The following SKP1 variants were observed in gnomAD, a reference collection of about 807,000 sequenced individuals.
The protein encoded by SKP1 is S-phase kinase associated protein 1.
Under a neutral mutation model 21.5 loss-of-function variants are expected in SKP1, and 1 was observed. The observed-to-expected ratio is 0.05, with a 90% CI of 0.02 to 0.22. The LOEUF is 0.22. Ranked by LOEUF, SKP1 falls within the 10% of genes least tolerant of loss-of-function variation. The probability of loss-of-function intolerance (pLI) is 1.00; values close to 1 mark genes in which losing one functional copy is unlikely to be tolerated. For missense variants in SKP1, 70 were observed against 192.0 expected (o/e 0.36, Z 3.76); for synonymous variants, 59 against 59.3 (o/e 0.99, Z 0.03).
In SKP1 at chr5:134,173,907, G is replaced by A. The variant is rs370244513; in HGVS notation, c.97+19C>T. On this transcript the variant is annotated intron_variant, in intron 2 of 5. Coordinates refer to ENST00000353411, the MANE Select transcript of SKP1 (RefSeq NM_170679.3). ...CAAATTACACATTTCCTCCCACCCA[G>A]GTTTTCCAATGAACTTACCTTCCAA... 3 of 1,369,284 alleles carry A rather than the reference G, an allele frequency of 2.2e-6. No homozygotes were observed. The highest frequency in any genetic ancestry group is 3.1e-6 in the Non-Finnish European group (3 of 956,782). The allele number at this position is 1,369,284 out of a possible 1,614,324, so 84.8% of individuals were successfully genotyped here.
Position 134,151,259 on chromosome 5 carries a change from G to C in SKP1, c.*6474C>G, listed in dbSNP as rs1420561606. 1 of 152,698 alleles carries C rather than the reference G, an allele frequency of 6.5e-6. No homozygotes were observed. The highest frequency in any genetic ancestry group is 1.5e-5 in the Non-Finnish European group (1 of 68,436). The allele number at this position is 152,698 out of a possible 1,614,324, so 9.5% of individuals were successfully genotyped here. A position where few individuals can be genotyped will look rare whatever the true frequency, so the allele number is the denominator to read the frequency against. On this transcript the variant is annotated 3_prime_UTR_variant, in exon 6 of 6. Coordinates refer to ENST00000353411, the MANE Select transcript of SKP1 (RefSeq NM_170679.3). ...GGCATGTGCAATGTCAGGAAGCGGG[G>C]TGGGGCTTGGGGAGGGAAGAGGAAA...
rs1761006148 is a variant in SKP1 at position 134,149,465 on chromosome 5, C to CCA, written c.*8266_*8267dup. 1 of 152,224 alleles carries CCA rather than the reference C, an allele frequency of 6.6e-6. No individual in the cohort carries two copies. The highest frequency in any genetic ancestry group is 6.5e-5 in the Admixed American group (1 of 15,284). The allele number at this position is 152,224 out of a possible 1,614,324, so 9.4% of individuals were successfully genotyped here. A position where few individuals can be genotyped will look rare whatever the true frequency, so the allele number is the denominator to read the frequency against. ...GCAAGAAGTATTTCACATGGGACAG[C>CCA]CACTGGGCCACCATCATGCATTGTC... On this transcript the variant is annotated 3_prime_UTR_variant, in exon 6 of 6. Transcript: ENST00000353411.
rs993036045 is a variant in SKP1 at position 134,167,043 on chromosome 5, A to G, written c.171+127T>C. On this transcript the variant is annotated intron_variant, in intron 3 of 5. Coordinates refer to ENST00000353411, the MANE Select transcript of SKP1 (RefSeq NM_170679.3). Reference sequence around the variant, plus strand: ...ATCACTCAAGTAAGTGTTTAAGAACATTCAAATTTAAATGTAATTTTAAGC... The same window carrying G: ...ATCACTCAAGTAAGTGTTTAAGAACGTTCAAATTTAAATGTAATTTTAAGC... 4 of 617,634 alleles carry G rather than the reference A, an allele frequency of 6.5e-6. No individual in the cohort carries two copies. The African/African-American group carries it at 7.4e-5, about 11-fold the overall frequency. The allele number at this position is 617,634 out of a possible 1,614,324, so 38.3% of individuals were successfully genotyped here.
chr5:134,170,720 T>C (rs377062155), intron 2 of SKP1, among the ~76,000 whole-genome samples: 20 of 152,226 alleles, frequency 1.3e-4, no homozygotes, highest in East Asian at 3.8e-4. Flanking sequence ...AATAACTTAA[T>C]TGTTGCTAAC....
intron 4 of SKP1, among the ~76,000 whole-genome samples, chr5:134,159,480 A>G (rs537653617): frequency 1.3e-5 from 2 of 152,082 alleles, no homozygotes; most frequent in African/African-American, 4.8e-5. Flanking sequence ...TCCTAGGTTC[A>G]GCCAATTCTC....
chr5:134,169,662 C>T (rs1761401657), intron 2 of SKP1, among the ~76,000 whole-genome samples: 1 of 151,866 alleles, frequency 6.6e-6, no homozygotes, highest in Non-Finnish European at 1.5e-5. Context: ...GTCAGGAGTT[C>T]AAGACCAGCC....
At position 134,152,233 on chromosome 5, in the gene SKP1, A is replaced by G. The variant is rs1761054900; in HGVS notation, c.*5500T>C. 1 of 150,654 alleles carries G rather than the reference A, an allele frequency of 6.6e-6. No individual in the cohort carries two copies. Among genetic ancestry groups the G allele is most frequent in the Non-Finnish European group, 1.5e-5 (1 of 67,952 alleles). 9.3% of individuals were successfully genotyped at this position (150,654 alleles called of 1,614,324 possible). ...AAAAAATTAGAATTTAGCTCACTCA[A>G]AAATTGCCCTGCCTAATGTGGGTCT... On this transcript the variant is annotated 3_prime_UTR_variant, in exon 6 of 6. Coordinates refer to ENST00000353411, the MANE Select transcript of SKP1 (RefSeq NM_170679.3).
Position 134,152,379 on chromosome 5 carries a change from T to C in SKP1, c.*5354A>G, listed in dbSNP as rs1424368643. 1 of 152,228 alleles carries C rather than the reference T, an allele frequency of 6.6e-6. No homozygotes were observed. The highest frequency in any genetic ancestry group is 1.5e-5 in the Non-Finnish European group (1 of 68,060). 9.4% of individuals were successfully genotyped at this position (152,228 alleles called of 1,614,324 possible). A position where few individuals can be genotyped will look rare whatever the true frequency, so the allele number is the denominator to read the frequency against. On this transcript the variant is annotated 3_prime_UTR_variant, in exon 6 of 6. Transcript: ENST00000353411. Reference sequence around the variant, plus strand: ...GTACCAACACCCAACCTTCTGCTGTTAGTTCCTGACTGTGCACTGCTTTTT... The same window carrying C: ...GTACCAACACCCAACCTTCTGCTGTCAGTTCCTGACTGTGCACTGCTTTTT...
intron 1 of SKP1, chr5:134,174,957 T>C (rs1761511880): frequency 6.6e-6 from 1 of 152,208 alleles, no homozygotes; most frequent in Admixed American, 6.5e-5. Flanking sequence ...TCAAGGCCTC[T>C]TAAAACTCAC....
At chr5:134,174,548 A>C in intron 1 of SKP1, 1 of 801,640 alleles carries the variant, frequency 1.2e-6, no homozygotes, top group Non-Finnish European at 1.5e-6. Flanking sequence ...CAAGAGAATA[A>C]AATGATTTAA....
chr5:134,151,780 G>C lies in SKP1; in HGVS notation c.*5953C>G, dbSNP rs1450147602. 5.9e-5 allele frequency: 26 copies of C among 437,872 alleles called. No individual in the cohort carries two copies. In the East Asian group the frequency reaches 1.3e-3, roughly 23 times the overall value. 27.1% of individuals were successfully genotyped at this position (437,872 alleles called of 1,614,324 possible). The stretch of plus-strand genomic sequence containing the variant: ...AATACTGGCACACAGACCAGAGGTA[G>C]CCAGCAGTACACAAGACTGCAAGGC... On this transcript the variant is annotated 3_prime_UTR_variant, in exon 6 of 6. Coordinates refer to ENST00000353411, the MANE Select transcript of SKP1 (RefSeq NM_170679.3).
rs1761095118 is a variant in SKP1 at position 134,154,575 on chromosome 5, T to G, written c.*3158A>C. 1 of 151,606 alleles carries G rather than the reference T, an allele frequency of 6.6e-6. No individual in the cohort carries two copies. Among genetic ancestry groups the G allele is most frequent in the South Asian group, 2.1e-4 (1 of 4,816 alleles). The allele number at this position is 151,606 out of a possible 1,614,324, so 9.4% of individuals were successfully genotyped here. A position where few individuals can be genotyped will look rare whatever the true frequency, so the allele number is the denominator to read the frequency against. On this transcript the variant is annotated 3_prime_UTR_variant, in exon 6 of 6. Transcript: ENST00000353411. ...TTTTGGTTTACTTTTAGATCACAAG[T>G]GACATAATCAATGAAAAGGTGAGAA...
chr5:134,169,206 G>C (rs1259315851), intron 2 of SKP1, among the ~76,000 whole-genome samples: 1 of 152,200 alleles, frequency 6.6e-6, no homozygotes, highest in African/African-American at 2.4e-5. Flanking sequence ...GGTTCACTGA[G>C]CTTTATAAGC....
At chr5:134,168,086 A>G (rs1761368169) in intron 2 of SKP1, among the ~76,000 whole-genome samples, 1 of 152,246 alleles carries the variant, frequency 6.6e-6, no homozygotes, top group African/African-American at 2.4e-5. Context: ...TGACCACCCA[A>G]AACTATATAA....
At chr5:134,173,790 T>C (rs757103010) in intron 2 of SKP1, 136 bp downstream of exon 2, 1 of 712,846 alleles carries the variant, frequency 1.4e-6, no homozygotes. Flanking sequence ...ATGTAAGTTA[T>C]AAAGAAAAAA....
intron 2 of SKP1, 69 bp from the exon 3 acceptor site, chr5:134,167,312 C>T (rs1453891869): frequency 1.4e-5 from 14 of 996,746 alleles, no homozygotes; most frequent in Non-Finnish European, 2.1e-5. Flanking sequence ...CAGGCTATGT[C>T]TCAAAACATA....
At chr5:134,161,833 A>G (rs1761226255) in intron 3 of SKP1, 1 of 152,258 alleles carries the variant, frequency 6.6e-6, no homozygotes, top group Non-Finnish European at 1.5e-5. Context: ...TAATTACTCC[A>G]TAAAGTTTCA....
chr5:134,158,428 T>A (rs565558621), intron 5 of SKP1, 27 bp downstream of exon 5: 2 of 1,614,010 alleles, frequency 1.2e-6, no homozygotes, highest in African/African-American at 2.7e-5. Flanking sequence ...GAGCATGTGA[T>A]CAAAGACAAA....
intron 2 of SKP1, among the ~76,000 whole-genome samples, chr5:134,168,718 G>C (rs1761381795): frequency 6.6e-6 from 1 of 152,118 alleles, no homozygotes; most frequent in South Asian, 2.1e-4. Flanking sequence ...TTTGCCAACA[G>C]ATGGCAAGTA....
Sources: allele counts gnomAD v4.1 joint callset (sites outside exome capture counted in the v4.1 genomes callset), GRCh38; gene constraint gnomAD v4.1.1; transcripts MANE v1.5; gene names NCBI Gene and HGNC (gene_info 2026-07-23, HGNC 2026-07-21).